RAB3IP: variants seen among roughly 807,000 people sequenced by gnomAD.
RAB3IP encodes the protein rab-3A-interacting protein.
RAB3IP carries 36 observed loss-of-function variants against 59.1 expected under a neutral mutation model. The ratio of observed to expected loss-of-function variants is 0.61; its 90% CI spans 0.47 to 0.80. The LOEUF is 0.80. Among genes scored for constraint, RAB3IP ranks in the 30% least tolerant of loss-of-function variants. The pLI is 0.00. For missense variants in RAB3IP, 511 were observed against 536.0 expected (o/e 0.95, Z 0.46); for synonymous variants, 207 against 191.2 (o/e 1.08, Z -0.68).
At chr12:69,767,409 C>T (rs754899601) in intron 3 of RAB3IP, among the ~76,000 whole-genome samples, 2 of 152,232 alleles carry the variant, frequency 1.3e-5, no homozygotes, top group Non-Finnish European at 2.9e-5. Flanking sequence ...TCTGAGCTCC[C>T]TGCTCAGCTC....
At position 69,755,521 on chromosome 12, in the gene RAB3IP, G is replaced by A. The variant is rs200793250; in HGVS notation, c.113G>A (p.Ser38Asn). Residue 38 changes from serine (S) to asparagine (N), a missense_variant, in exon 2 of 11, where the codon AGT (serine) becomes AAT (asparagine). Transcript: ENST00000247833. ...SGTQEQTTSP[S>N]VIYRPHPSAL... ...ACTCAAGAGCAGACTACCTCACCAA[G>A]TGTCATCTACCGGCCACACCCTTCA... The A allele has an allele frequency of 3.5e-5, 56 of 1,614,054 alleles. No individual in the cohort carries two copies. In the East Asian group the frequency reaches 1.0e-3, roughly 30 times the overall value.
At chr12:69,755,706 G>T in intron 2 of RAB3IP, 47 bp downstream of exon 2, 1 of 1,455,846 alleles carries the variant, frequency 6.9e-7, no homozygotes, top group African/African-American at 1.4e-5. Context: ...AAAATGGACA[G>T]TTTGCTTAGT....
rs112508435 is a variant in RAB3IP at position 69,780,224 on chromosome 12, G to T, written c.511-4496G>T. Among the ~76,000 whole-genome samples the T allele has an allele frequency of 5.9e-3, 901 of 152,314 alleles. 8 individuals are homozygous for T. Among genetic ancestry groups the T allele is most frequent in the Non-Finnish European group, 9.2e-3 (624 of 68,022 alleles). Reference sequence around the variant, plus strand: ...GATGCATGTTTCCCCGCAATTCCCTGCACAGATGGGATAGTTCCCCAACTG... The same window carrying T: ...GATGCATGTTTCCCCGCAATTCCCTTCACAGATGGGATAGTTCCCCAACTG... On this transcript the variant is annotated intron_variant, in intron 3 of 10. Coordinates refer to ENST00000247833, the MANE Select transcript of RAB3IP (RefSeq NM_022456.5).
chr12:69,805,640 A>G (rs1879136413), intron 8 of RAB3IP, among the ~76,000 whole-genome samples: 5 of 151,678 alleles, frequency 3.3e-5, no homozygotes, highest in African/African-American at 1.2e-4. Context: ...GGTTTGTCAT[A>G]GATAGCTCTT....
At chr12:69,789,212 T>G (rs1876215329) in intron 4 of RAB3IP, among the ~76,000 whole-genome samples, 1 of 151,680 alleles carries the variant, frequency 6.6e-6, no homozygotes, top group African/African-American at 2.4e-5. Flanking sequence ...TAGAAAATAT[T>G]AAGAAAACCC....
At chr12:69,804,119 T>A (rs1168662170) in intron 8 of RAB3IP, among the ~76,000 whole-genome samples, 2 of 152,144 alleles carry the variant, frequency 1.3e-5, no homozygotes, top group Admixed American at 1.3e-4. Context: ...CCACCAACAG[T>A]GTAAAAGTGT....
At chr12:69,809,651 T>G (rs981227971) in intron 8 of RAB3IP, among the ~76,000 whole-genome samples, 1 of 152,164 alleles carries the variant, frequency 6.6e-6, no homozygotes, top group Non-Finnish European at 1.5e-5. Flanking sequence ...TCATTCATTT[T>G]GTCTTCCATC....
chr12:69,756,700 A>G (rs1302563019), intron 3 of RAB3IP, 37 bp downstream of exon 3: 1 of 1,535,564 alleles, frequency 6.5e-7, no homozygotes, highest in Non-Finnish European at 8.8e-7. Context: ...CATATATTAT[A>G]TTAGAAATTA....
rs1592406537 is a variant in RAB3IP at position 69,739,016 on chromosome 12, G to T, written c.-41G>T. On this transcript the variant is annotated 5_prime_UTR_variant, in exon 1 of 11. Coordinates refer to ENST00000247833, the MANE Select transcript of RAB3IP (RefSeq NM_022456.5). ...GCGCCCCTGAGCGCCGGCAGCGGCC[G>T]CGGTGGGTTCTTCAGGTGAGTGCGG... The T allele has an allele frequency of 6.6e-6, 1 of 152,202 alleles. No individual in the cohort carries two copies. Among genetic ancestry groups the T allele is most frequent in the East Asian group, 1.9e-4 (1 of 5,162 alleles). 9.4% of individuals were successfully genotyped at this position (152,202 alleles called of 1,614,324 possible).
rs947186918 is a variant in RAB3IP, at chr12:69,815,564, A to C, written c.*118A>C. The C allele has an allele frequency of 1.5e-6, 1 of 688,562 alleles. No homozygotes were observed. The highest frequency in any genetic ancestry group is 2.5e-6 in the Non-Finnish European group (1 of 398,948). 42.7% of individuals were successfully genotyped at this position (688,562 alleles called of 1,614,324 possible). A position where few individuals can be genotyped will look rare whatever the true frequency, so the allele number is the denominator to read the frequency against. On this transcript the variant is annotated 3_prime_UTR_variant, in exon 11 of 11. Transcript: ENST00000247833. The stretch of plus-strand genomic sequence containing the variant: ...GCCTAAGACTTTTTTCCCCTTTTGC[A>C]AATTGCTCTAAGAAGTACCATGATT...
intron 8 of RAB3IP, among the ~76,000 whole-genome samples, chr12:69,808,349 G>A (rs1879816186): frequency 6.6e-6 from 1 of 152,110 alleles, no homozygotes; most frequent in African/African-American, 2.4e-5. Flanking sequence ...GTGTGGTGCT[G>A]AAAAGAATGT....
At chr12:69,744,762 A>G (rs1159568841) in intron 1 of RAB3IP, among the ~76,000 whole-genome samples, 1 of 152,036 alleles carries the variant, frequency 6.6e-6, no homozygotes, top group Admixed American at 6.5e-5. Flanking sequence ...TAAAAATGGG[A>G]AAATTGTGTA....
At chr12:69,801,429 CAG>C (rs922879650) in intron 7 of RAB3IP, among the ~76,000 whole-genome samples, 178 bp from the exon 8 acceptor site, 3 of 152,144 alleles carry the variant, frequency 2.0e-5, no homozygotes, top group Non-Finnish European at 2.9e-5. Flanking sequence ...CCTTTCATAA[CAG>C]TGTTTGGATT....
chr12:69,807,440 GCTC>G (rs1879580017), intron 8 of RAB3IP, among the ~76,000 whole-genome samples: 1 of 143,050 alleles, frequency 7.0e-6, no homozygotes, highest in Non-Finnish European at 1.5e-5. Flanking sequence ...GGGCGGAGGC[GCTC>G]CTCACATCCC....
intron 4 of RAB3IP, among the ~76,000 whole-genome samples, chr12:69,786,532 A>G (rs997315456): frequency 7.9e-5 from 12 of 152,202 alleles, no homozygotes; most frequent in African/African-American, 2.4e-4. Context: ...AAGGTTATAC[A>G]GAAGCATTAG....
At chr12:69,743,939 T>C (rs935053321) in intron 1 of RAB3IP, among the ~76,000 whole-genome samples, 14 of 150,398 alleles carry the variant, frequency 9.3e-5, no homozygotes, top group African/African-American at 3.2e-4. Context: ...TAAGAGAATA[T>C]GTAAAATGAA....
In RAB3IP at chr12:69,800,333, G is replaced by T. The variant is rs925246462; in HGVS notation, c.1013G>T (p.Ser338Ile). 14 of 1,559,776 alleles carry T rather than the reference G, an allele frequency of 9.0e-6. No homozygotes were observed. The highest frequency in any genetic ancestry group is 7.9e-5 in the Admixed American group (4 of 50,812). ...DIFPCLTFSKSELASAVLEAV... is the reference protein window; with the variant it reads ...DIFPCLTFSKIELASAVLEAV... ...TTTCCATGTTTAACATTCTCAAAAA[G>T]TGAGGTAATTTTTTTTCATTTTAGT... The change falls in exon 7 of 11, where the codon AGT (serine) becomes ATT (isoleucine). Residue 338 changes from serine to isoleucine, a missense_variant. Transcript: ENST00000247833.
intron 1 of RAB3IP, among the ~76,000 whole-genome samples, chr12:69,745,744 T>C (rs1868312773): frequency 6.6e-6 from 1 of 152,200 alleles, no homozygotes; most frequent in African/African-American, 2.4e-5. Context: ...CGTGCCATGG[T>C]GGTTTACTGC....
chr12:69,764,859 C>A (rs899511923), intron 3 of RAB3IP, among the ~76,000 whole-genome samples: 1 of 151,938 alleles, frequency 6.6e-6, no homozygotes, highest in Non-Finnish European at 1.5e-5. Context: ...TCTTTCACCC[C>A]CTTGGTTGGA....
Sources: allele counts gnomAD v4.1 joint callset (sites outside exome capture counted in the v4.1 genomes callset), GRCh38; gene constraint gnomAD v4.1.1; transcripts MANE v1.5; gene names NCBI Gene and HGNC (gene_info 2026-07-23, HGNC 2026-07-21).